The following CCR3 variants were observed in gnomAD, a reference collection of about 807,000 sequenced individuals.
The protein encoded by CCR3 is C-C chemokine receptor type 3.
For missense variants in CCR3, 419 were observed against 437.5 expected (o/e 0.96, Z 0.38); for synonymous variants, 203 against 179.2 (o/e 1.13, Z -1.06).
chr3:46,243,002 T>TACACACATATATATATATATATATATAC (rs71095087), intron 1 of CCR3, among the ~76,000 whole-genome samples: 8 of 123,726 alleles, frequency 6.5e-5, no homozygotes, highest in South Asian at 5.1e-4. Context: ...TATATATATA[T>TACACACATATATATATATATATATATAC]ACGCACACAC....
intron 1 of CCR3, among the ~76,000 whole-genome samples, chr3:46,246,637 G>T (rs1700196651): frequency 6.6e-6 from 1 of 152,226 alleles, no homozygotes; most frequent in African/African-American, 2.4e-5. Context: ...CACTTCTTTT[G>T]TGATTCTTCA....
At chr3:46,253,067 A>G (rs1391641161) in intron 1 of CCR3, among the ~76,000 whole-genome samples, 2 of 152,036 alleles carry the variant, frequency 1.3e-5, no homozygotes, top group African/African-American at 2.4e-5. Context: ...TTAATTGTTC[A>G]GGGTTATAAG....
At chr3:46,228,359 A>G (rs1042425110) in intron 2 of CCR3, among the ~76,000 whole-genome samples, 4 of 152,144 alleles carry the variant, frequency 2.6e-5, no homozygotes, top group Non-Finnish European at 5.9e-5. Context: ...ATTTTATCTG[A>G]GTCACCCTTC....
rs1350368674 is a variant in CCR3 at position 46,253,740 on chromosome 3, CA to C, written c.-12+11203del. 3.3e-5 allele frequency among the ~76,000 whole-genome samples: 5 copies of C among 152,174 alleles called. No homozygotes were observed. The South Asian group carries it at 6.2e-4, about 19-fold the overall frequency. ...TTTTGTTCTACTTTTATTTTAGGTTCAGGGGTAAATGTGCAGGTTTGTTATA... is the reference window on the plus strand; with the variant it reads ...TTTTGTTCTACTTTTATTTTAGGTTCGGGGTAAATGTGCAGGTTTGTTATA... On this transcript the variant is annotated intron_variant, in intron 1 of 1. Coordinates refer to ENST00000395940, the MANE Select transcript of CCR3 (RefSeq NM_178329.3).
intron 1 of CCR3, among the ~76,000 whole-genome samples, chr3:46,255,213 A>G (rs1700396919): frequency 1.3e-5 from 2 of 152,076 alleles, no homozygotes; most frequent in Admixed American, 6.6e-5. Context: ...TTGTCTATTC[A>G]TGTCCTTAGC....
At chr3:46,229,309 A>G (rs1007210686) in intron 2 of CCR3, among the ~76,000 whole-genome samples, 3 of 152,222 alleles carry the variant, frequency 2.0e-5, no homozygotes, top group African/African-American at 7.2e-5. Flanking sequence ...ATTAATGTTT[A>G]TCAATCCTGA....
chr3:46,237,068 A>G (rs1353038612), intron 2 of CCR3, among the ~76,000 whole-genome samples: 2 of 151,894 alleles, frequency 1.3e-5, no homozygotes, highest in Admixed American at 1.3e-4. Flanking sequence ...TTATGGCTGA[A>G]TAATATTTCA....
chr3:46,226,739 T>C (rs565011258), intron 2 of CCR3, among the ~76,000 whole-genome samples: 203 of 152,254 alleles, frequency 1.3e-3, no homozygotes, highest in Non-Finnish European at 2.2e-3. Flanking sequence ...GAGGAAAACA[T>C]TCATTCTTTC....
At chr3:46,234,880 A>AG (rs1700007597) in intron 2 of CCR3, among the ~76,000 whole-genome samples, 1 of 152,266 alleles carries the variant, frequency 6.6e-6, no homozygotes, top group South Asian at 2.1e-4. Context: ...TTCTAAGGCT[A>AG]CAGTGAGTGG....
intron 1 of CCR3, chr3:46,264,249 C>A (rs767489484): frequency 1.5e-6 from 1 of 651,408 alleles, no homozygotes; most frequent in Non-Finnish European, 2.7e-6. Context: ...TTGCATGTTA[C>A]CAGGCCTAAC....
chr3:46,234,631 C>A (rs1217269510), intron 2 of CCR3, among the ~76,000 whole-genome samples: 1 of 99,966 alleles, frequency 1.0e-5, no homozygotes. Context: ...CACAAAATAC[C>A]CCCTGATTTC....
intron 2 of CCR3, among the ~76,000 whole-genome samples, chr3:46,217,987 A>T (rs1484987890): frequency 1.4e-5 from 2 of 141,852 alleles, no homozygotes; most frequent in Non-Finnish European, 3.0e-5. Context: ...AATAAAACTG[A>T]AACAAACAAA....
chr3:46,239,768 T>C (rs1459136760), upstream of CCR3, among the ~76,000 whole-genome samples: 2 of 152,228 alleles, frequency 1.3e-5, no homozygotes, highest in Non-Finnish European at 2.9e-5. Flanking sequence ...TTGATTACCC[T>C]GTGAATGGCA....
chr3:46,224,296 A>T (rs1699868667), intron 2 of CCR3, among the ~76,000 whole-genome samples: 2 of 152,138 alleles, frequency 1.3e-5, no homozygotes, highest in South Asian at 4.1e-4. Context: ...AAACAACATC[A>T]ACAAAAAACC....
intron 1 of CCR3, among the ~76,000 whole-genome samples, chr3:46,250,322 C>T (rs1029843527): frequency 6.6e-6 from 1 of 151,872 alleles, no homozygotes; most frequent in Non-Finnish European, 1.5e-5. Flanking sequence ...GAATTGGGAC[C>T]TAGCTTGGCC....
intron 1 of CCR3, among the ~76,000 whole-genome samples, chr3:46,260,211 C>T (rs1044030104): frequency 6.6e-6 from 1 of 152,272 alleles, no homozygotes; most frequent in Non-Finnish European, 1.5e-5. Flanking sequence ...TGTTACAATT[C>T]GAGATGAGAT....
At chr3:46,243,807 T>G (rs1456683081) in intron 1 of CCR3, among the ~76,000 whole-genome samples, 1 of 152,014 alleles carries the variant, frequency 6.6e-6, no homozygotes, top group Non-Finnish European at 1.5e-5. Context: ...GCAGAATAAA[T>G]TGGGTAAAGG....
At chr3:46,216,496 C>A (rs951151834) in intron 2 of CCR3, among the ~76,000 whole-genome samples, 1 of 152,132 alleles carries the variant, frequency 6.6e-6, no homozygotes, top group Non-Finnish European at 1.5e-5. Context: ...TCAAAGAACA[C>A]CTGGAAAATT....
chr3:46,223,004 C>T (rs1421359782), intron 2 of CCR3, among the ~76,000 whole-genome samples: 1 of 152,190 alleles, frequency 6.6e-6, no homozygotes, highest in African/African-American at 2.4e-5. Flanking sequence ...GCTCTAAAAA[C>T]TCCCTGTCCA....
Sources: gnomAD v4.1 joint callset for allele counts (sites outside exome capture counted in the v4.1 genomes callset) on GRCh38, gnomAD v4.1.1 for gene constraint, MANE v1.5 for transcripts, NCBI Gene and HGNC (gene_info 2026-07-23, HGNC 2026-07-21) for gene names.